The following CSMD1 variants were observed in gnomAD, a reference collection of about 807,000 sequenced individuals.
CSMD1 encodes CUB and Sushi multiple domains 1, also known as CUB and sushi domain-containing protein 1.
Under a neutral mutation model 417.5 loss-of-function variants are expected in CSMD1, and 213 were observed. The ratio of observed to expected loss-of-function variants is 0.51; its 90% CI spans 0.46 to 0.57. The LOEUF is 0.57. Among genes scored for constraint, CSMD1 ranks in the 20% least tolerant of loss-of-function variants. The probability of loss-of-function intolerance (pLI) is 0.00; values close to 1 mark genes in which losing one functional copy is unlikely to be tolerated. For missense variants in CSMD1, 6,923 were observed against 4,529.7 expected (o/e 1.53, Z -15.17); for synonymous variants, 2,862 against 1,736.8 (o/e 1.65, Z -16.11).
chr8:4,021,362 C>A (rs769816964), intron 4 of CSMD1, among the ~76,000 whole-genome samples: 4 of 152,154 alleles, frequency 2.6e-5, no homozygotes, highest in Non-Finnish European at 4.4e-5. Flanking sequence ...TTTTCCGTGT[C>A]GCATCTGGGG....
At chr8:4,012,164 G>A (rs1156855116) in intron 4 of CSMD1, among the ~76,000 whole-genome samples, 1 of 152,098 alleles carries the variant, frequency 6.6e-6, no homozygotes, top group South Asian at 2.1e-4. Flanking sequence ...GAAACTGGAT[G>A]CAGAACCCAC....
chr8:4,040,629 A>G (rs1797837530), intron 3 of CSMD1, among the ~76,000 whole-genome samples: 1 of 152,190 alleles, frequency 6.6e-6, no homozygotes, highest in Admixed American at 6.5e-5. Context: ...ATGTTTTCTT[A>G]GGTAGAATGG....
At chr8:4,174,301 G>A (rs889588168) in intron 3 of CSMD1, among the ~76,000 whole-genome samples, 1 of 152,088 alleles carries the variant, frequency 6.6e-6, no homozygotes, top group African/African-American at 2.4e-5. Context: ...ATTTTTAAAG[G>A]TCATCCACTA....
chr8:4,199,222 T>G (rs200040975), intron 3 of CSMD1, among the ~76,000 whole-genome samples: 1 of 98,792 alleles, frequency 1.0e-5, no homozygotes, highest in East Asian at 3.5e-4. Context: ...AATATCCTCT[T>G]GAGGTTAGAC....
chr8:3,844,622 A>G (rs946140621), intron 5 of CSMD1, among the ~76,000 whole-genome samples: 2 of 152,198 alleles, frequency 1.3e-5, no homozygotes, highest in Admixed American at 1.3e-4. Flanking sequence ...TCCCATCTGC[A>G]GATGGAAGGA....
At chr8:4,834,119 A>G (rs191583478) in intron 1 of CSMD1, among the ~76,000 whole-genome samples, 1 of 152,344 alleles carries the variant, frequency 6.6e-6, no homozygotes, top group East Asian at 1.9e-4. Flanking sequence ...TTCTTGTTAC[A>G]TAATTGAAAG....
chr8:2,978,649 T>C lies in CSMD1; in HGVS notation c.8529A>G (p.Ala2843=). 1 of 1,605,530 alleles carries C rather than the reference T, an allele frequency of 6.2e-7. No individual in the cohort carries two copies. The highest frequency in any genetic ancestry group is 1.3e-5 in the African/African-American group (1 of 74,946). ...LLGSSALTCM[A]NGLWDRSLPK... ...GCAGGGATCGGTCCCATAAGCCATTTGCCATACAGGTCAAGGCTGAAGATC... is the reference window on the plus strand; with the variant it reads ...GCAGGGATCGGTCCCATAAGCCATTCGCCATACAGGTCAAGGCTGAAGATC... The change falls in exon 55 of 70, where the codon GCA becomes GCG. Residue 2843 remains alanine, a synonymous_variant. Coordinates refer to ENST00000635120, the MANE Select transcript of CSMD1 (RefSeq NM_033225.6).
intron 2 of CSMD1, among the ~76,000 whole-genome samples, chr8:4,526,728 T>C (rs1796530798): frequency 6.6e-6 from 1 of 152,222 alleles, no homozygotes; most frequent in East Asian, 1.9e-4. Context: ...AAATTTGCTT[T>C]CATATTTGAT....
intron 2 of CSMD1, among the ~76,000 whole-genome samples, chr8:4,551,347 G>A (rs984091136): frequency 2.6e-5 from 4 of 152,092 alleles, no homozygotes; most frequent in Non-Finnish European, 5.9e-5. Context: ...TGCCTTTGGT[G>A]TGCTGTGTAC....
intron 1 of CSMD1, among the ~76,000 whole-genome samples, chr8:4,742,249 C>G (rs1439084992): frequency 6.6e-6 from 1 of 151,202 alleles, no homozygotes; most frequent in Admixed American, 6.6e-5. Flanking sequence ...CCAGGATGGT[C>G]TCGATCTCCT....
intron 6 of CSMD1, among the ~76,000 whole-genome samples, chr8:3,739,680 G>A (rs753976049): frequency 6.6e-6 from 1 of 152,136 alleles, no homozygotes; most frequent in African/African-American, 2.4e-5. Context: ...TTCCTGTGTT[G>A]TAAGACTGTA....
At chr8:3,929,594 T>C (rs992134122) in intron 5 of CSMD1, among the ~76,000 whole-genome samples, 1 of 150,644 alleles carries the variant, frequency 6.6e-6, no homozygotes, top group Non-Finnish European at 1.5e-5. Context: ...AAAAAATAAA[T>C]GTGGCTGCAT....
At chr8:4,286,376 C>G (rs187805359) in intron 3 of CSMD1, among the ~76,000 whole-genome samples, 29 of 152,240 alleles carry the variant, frequency 1.9e-4, no homozygotes, top group Admixed American at 1.6e-3. Flanking sequence ...TAGTTCAAAA[C>G]TACAGTCCTT....
At chr8:4,338,667 C>A (rs914963730) in intron 3 of CSMD1, among the ~76,000 whole-genome samples, 1 of 152,054 alleles carries the variant, frequency 6.6e-6, no homozygotes, top group African/African-American at 2.4e-5. Flanking sequence ...ACGGGTGAGT[C>A]AGAAATAGAA....
intron 17 of CSMD1, among the ~76,000 whole-genome samples, chr8:3,394,000 TAA>T (rs1162857302): frequency 0.38 from 10,875 of 28,702 alleles, 1,806 homozygotes; most frequent in African/African-American, 0.5. Flanking sequence ...ATAATAATAA[TAA>T]AAAAATAAAT....
At chr8:4,074,902 T>G (rs577725486) in intron 3 of CSMD1, among the ~76,000 whole-genome samples, 1 of 152,286 alleles carries the variant, frequency 6.6e-6, no homozygotes, top group African/African-American at 2.4e-5. Context: ...GTGGCAGAAG[T>G]AGTTTCTCTG....
intron 3 of CSMD1, among the ~76,000 whole-genome samples, chr8:4,213,529 A>T (rs186552388): frequency 6.6e-6 from 1 of 152,364 alleles, no homozygotes; most frequent in Admixed American, 6.5e-5. Flanking sequence ...TAATGTAGAA[A>T]TGACAGACAC....
intron 41 of CSMD1, chr8:3,127,415 T>C (rs1817567647): frequency 1.3e-5 from 2 of 152,234 alleles, no homozygotes; most frequent in Non-Finnish European, 2.9e-5. Flanking sequence ...GTACAAATTA[T>C]GGTTTGTATA....
chr8:3,065,316 T>TAGAA (rs1812864160), intron 49 of CSMD1, among the ~76,000 whole-genome samples: 1 of 149,258 alleles, frequency 6.7e-6, no homozygotes, highest in Non-Finnish European at 1.5e-5. Context: ...GATAGATAGA[T>TAGAA]AGACAGACAG....
Sources: allele counts gnomAD v4.1 joint callset (sites outside exome capture counted in the v4.1 genomes callset), GRCh38; gene constraint gnomAD v4.1.1; transcripts MANE v1.5; gene names NCBI Gene and HGNC (gene_info 2026-07-23, HGNC 2026-07-21).